The following FIRRM variants were observed in gnomAD, a reference collection of about 807,000 sequenced individuals.
FIRRM encodes FIGNL1-interacting regulator of recombination and mitosis.
the FIRRM span, among the ~76,000 whole-genome samples, chr1:169,788,431 CTTAAT>C: frequency 1.3e-4 from 20 of 152,320 alleles, 2 homozygotes; most frequent in African/African-American, 7.2e-5. Context: ...TTCTCTCTAG[CTTAAT>C]TTATTGTTAA....
At chr1:169,843,621 ATTATTC>A in the FIRRM span, 6 of 1,026,608 alleles carry the variant, frequency 5.8e-6, no homozygotes, top group Admixed American at 7.1e-5. Context: ...GCTTGCTATT[ATTATTC>A]TTATGTGATT....
the FIRRM span, chr1:169,829,560 T>G: frequency 2.0e-6 from 2 of 987,378 alleles, no homozygotes; most frequent in East Asian, 5.4e-5. Flanking sequence ...ATATTCCTTT[T>G]GAGTGAAACT....
chr1:169,789,459 T>G, the FIRRM span, among the ~76,000 whole-genome samples: 3 of 152,194 alleles, frequency 2.0e-5, no homozygotes, highest in East Asian at 5.8e-4. Flanking sequence ...CACAGAGACA[T>G]TTCCATGAGT....
the FIRRM span, chr1:169,851,049 T>C: frequency 5.5e-5 from 3 of 54,974 alleles, no homozygotes; most frequent in African/African-American, 2.6e-4. Flanking sequence ...AGGGCCCTTT[T>C]TTTTTTTTTT....
chr1:169,834,473 C>CTT, the FIRRM span, among the ~76,000 whole-genome samples: 1 of 151,514 alleles, frequency 6.6e-6, no homozygotes, highest in Non-Finnish European at 1.5e-5. Context: ...CTGCTTGGCT[C>CTT]TTTTTTTTAA....
the FIRRM span, chr1:169,804,135 T>C: frequency 1.3e-6 from 2 of 1,588,348 alleles, no homozygotes; most frequent in African/African-American, 1.3e-5. Context: ...CCAGGCTCTT[T>C]TCAAGGAGGC....
chr1:169,795,818 C>T, the FIRRM span: 1 of 979,160 alleles, frequency 1.0e-6, no homozygotes, highest in South Asian at 4.8e-5. Context: ...GTTCTCACTC[C>T]TCTCACCCAG....
chr1:169,853,806 G>GAAACAAATCATATGCAA, the FIRRM span: 1 of 1,595,160 alleles, frequency 6.3e-7, no homozygotes, highest in Non-Finnish European at 8.5e-7. Context: ...AGAACCCACT[G>GAAACAAATCATATGCAA]AAACAAATCA....
At chr1:169,806,824 C>T in the FIRRM span, among the ~76,000 whole-genome samples, 18 of 152,278 alleles carry the variant, frequency 1.2e-4, no homozygotes, top group South Asian at 8.3e-4. Context: ...TTTCTCTGAA[C>T]GTTAGTTTGC....
the FIRRM span, chr1:169,827,004 T>C: frequency 1.3e-6 from 2 of 1,576,670 alleles, no homozygotes; most frequent in Non-Finnish European, 1.7e-6. Context: ...TACCTAAAAT[T>C]AGAAGATAGC....
At chr1:169,802,750 GGAGA>G in the FIRRM span, 1 of 1,400,020 alleles carries the variant, frequency 7.1e-7, no homozygotes, top group Non-Finnish European at 1.0e-6. Flanking sequence ...TTAGAAAGCA[GGAGA>G]GAGAGGGAGC....
chr1:169,836,810 C>G, the FIRRM span: 1 of 657,884 alleles, frequency 1.5e-6, no homozygotes, highest in Non-Finnish European at 2.5e-6. Flanking sequence ...TAGATATTAC[C>G]GTACCATTAT....
the FIRRM span, among the ~76,000 whole-genome samples, chr1:169,806,946 G>A: frequency 6.6e-6 from 1 of 152,168 alleles, no homozygotes; most frequent in Non-Finnish European, 1.5e-5. Context: ...TAATACTCAA[G>A]GAATTAGCCA....
the FIRRM span, chr1:169,795,520 T>C: frequency 8.7e-7 from 1 of 1,152,710 alleles, no homozygotes. Flanking sequence ...TTGCTTGCAA[T>C]TAAGTGTAAA....
At chr1:169,810,668 A>G in the FIRRM span, among the ~76,000 whole-genome samples, 1 of 151,992 alleles carries the variant, frequency 6.6e-6, no homozygotes, top group African/African-American at 2.4e-5. Context: ...ATTCTGAAGT[A>G]TTGGGAGTTA....
chr1:169,834,673 C>T, the FIRRM span, among the ~76,000 whole-genome samples: 1 of 151,986 alleles, frequency 6.6e-6, no homozygotes, highest in African/African-American at 2.4e-5. Context: ...AAATTCACAC[C>T]TAACAGCTGA....
the FIRRM span, among the ~76,000 whole-genome samples, chr1:169,810,354 A>C: frequency 1.3e-5 from 2 of 152,256 alleles, no homozygotes; most frequent in Admixed American, 6.5e-5. Context: ...TGCCGTAACA[A>C]GTTACCACAA....
chr1:169,802,859 G>A, the FIRRM span: 2 of 616,100 alleles, frequency 3.2e-6, no homozygotes, highest in East Asian at 2.8e-5. Flanking sequence ...AATTAAAGAC[G>A]TGAATATAGA....
chr1:169,822,522 C>G, the FIRRM span, among the ~76,000 whole-genome samples: 5 of 152,252 alleles, frequency 3.3e-5, no homozygotes, highest in African/African-American at 1.2e-4. Flanking sequence ...TTTTTTGAGA[C>G]AGAGTCTCGC....
Sources: allele counts gnomAD v4.1 joint callset (sites outside exome capture counted in the v4.1 genomes callset), GRCh38; gene constraint gnomAD v4.1.1; transcripts MANE v1.5; gene names NCBI Gene and HGNC (gene_info 2026-07-23, HGNC 2026-07-21).